The following ZNF563 variants were observed in gnomAD, a reference collection of about 807,000 sequenced individuals.
ZNF563 encodes the protein zinc finger protein 563.
Under a neutral mutation model 48.5 loss-of-function variants are expected in ZNF563, and 39 were observed. The ratio of observed to expected loss-of-function variants is 0.80; its 90% CI spans 0.62 to 1.05. ZNF563 has a LOEUF of 1.05. Among genes scored for constraint, ZNF563 ranks in the 50% least tolerant of loss-of-function variants. The probability of loss-of-function intolerance (pLI) is 0.00; values close to 1 mark genes in which losing one functional copy is unlikely to be tolerated. For missense variants in ZNF563, 538 were observed against 597.0 expected (o/e 0.90, Z 1.03); for synonymous variants, 168 against 187.9 (o/e 0.89, Z 0.87).
At chr19:12,327,103 C>T (rs1968812499) in intron 1 of ZNF563, among the ~76,000 whole-genome samples, 1 of 152,012 alleles carries the variant, frequency 6.6e-6, no homozygotes, top group Admixed American at 6.6e-5. Context: ...AAATTAAGAA[C>T]CAAGTACTAT....
intron 2 of ZNF563, among the ~76,000 whole-genome samples, chr19:12,321,739 C>T (rs573853037): frequency 6.6e-6 from 1 of 152,222 alleles, no homozygotes; most frequent in East Asian, 1.9e-4. Flanking sequence ...GCCACCATAC[C>T]CGGCCTTACA....
intron 2 of ZNF563, among the ~76,000 whole-genome samples, chr19:12,322,000 A>G (rs1293779488): frequency 6.6e-6 from 1 of 152,166 alleles, no homozygotes; most frequent in Non-Finnish European, 1.5e-5. Flanking sequence ...AGTATGTAAT[A>G]CATGACTTAC....
intron 1 of ZNF563, among the ~76,000 whole-genome samples, chr19:12,329,818 T>C (rs2145816960): frequency 6.6e-6 from 1 of 152,324 alleles, no homozygotes; most frequent in East Asian, 1.9e-4. Flanking sequence ...ATGATTTCAC[T>C]GGTGATTTAT....
chr19:12,328,258 G>A (rs1379460730), intron 1 of ZNF563, among the ~76,000 whole-genome samples: 2 of 152,168 alleles, frequency 1.3e-5, no homozygotes, highest in African/African-American at 4.8e-5. Context: ...AGGCCAAAGT[G>A]GAAGGATTGC....
chr19:12,323,604 G>C (rs1378357292), intron 1 of ZNF563, among the ~76,000 whole-genome samples: 1 of 152,182 alleles, frequency 6.6e-6, no homozygotes, highest in Non-Finnish European at 1.5e-5. Flanking sequence ...CTTAACCTTG[G>C]ACTTCCCAGC....
At chr19:12,325,439 C>T (rs1435063932) in intron 1 of ZNF563, among the ~76,000 whole-genome samples, 3 of 142,098 alleles carry the variant, frequency 2.1e-5, no homozygotes, top group African/African-American at 8.0e-5. Flanking sequence ...CACTGCACTC[C>T]AGCCTGGGCA....
the ZNF563 span, among the ~76,000 whole-genome samples, chr19:12,341,543 A>G: frequency 6.6e-6 from 1 of 152,220 alleles, no homozygotes; most frequent in Non-Finnish European, 1.5e-5. Context: ...TGCAAATAGT[A>G]ATCCAAATAG....
intron 1 of ZNF563, among the ~76,000 whole-genome samples, chr19:12,326,940 A>T (rs1034218722): frequency 3.9e-5 from 6 of 152,214 alleles, no homozygotes; most frequent in Non-Finnish European, 5.9e-5. Flanking sequence ...AATTGTGCAA[A>T]TGAATGACAG....
At chr19:12,336,019 T>C (rs1284664728), upstream of ZNF563, among the ~76,000 whole-genome samples, 42 of 152,218 alleles carry the variant, frequency 2.8e-4, no homozygotes, top group Admixed American at 2.7e-3. Context: ...AGTCTTCACT[T>C]GCTTCTCACC....
chr19:12,333,664 A>G (rs1193727416), upstream of ZNF563: 1 of 860,150 alleles, frequency 1.2e-6, no homozygotes, highest in East Asian at 3.1e-5. Context: ...GGGCGTGAAG[A>G]CGCCGCGGGC....
intron 3 of ZNF563, among the ~76,000 whole-genome samples, chr19:12,320,094 T>G (rs142662877): frequency 1.3e-5 from 2 of 152,106 alleles, no homozygotes; most frequent in African/African-American, 4.8e-5. Flanking sequence ...AATTTTGTAT[T>G]TCTAGTAGAG....
At chr19:12,334,910 C>T (rs1253428024), upstream of ZNF563, among the ~76,000 whole-genome samples, 5 of 144,998 alleles carry the variant, frequency 3.4e-5, no homozygotes, top group Non-Finnish European at 7.6e-5. Context: ...CTTTAAGGTA[C>T]TGACCTACAT....
At chr19:12,330,216 G>A (rs1034898739) in intron 1 of ZNF563, among the ~76,000 whole-genome samples, 4 of 151,998 alleles carry the variant, frequency 2.6e-5, no homozygotes, top group Non-Finnish European at 4.4e-5. Flanking sequence ...CACCACGCCC[G>A]GGGCAGAGGT....
intron 3 of ZNF563, 100 bp downstream of exon 3, chr19:12,321,172 A>T: frequency 1.2e-6 from 1 of 848,208 alleles, no homozygotes; most frequent in Non-Finnish European, 1.8e-6. Flanking sequence ...ATTAAAAAAT[A>T]AATTTAAGCT....
At chr19:12,340,906 G>A in the ZNF563 span, among the ~76,000 whole-genome samples, 1 of 151,758 alleles carries the variant, frequency 6.6e-6, no homozygotes, top group Non-Finnish European at 1.5e-5. Flanking sequence ...TGTGCTCTGT[G>A]AGAAATGTAG....
At chr19:12,324,395 G>C (rs1217239906) in intron 1 of ZNF563, among the ~76,000 whole-genome samples, 1 of 151,960 alleles carries the variant, frequency 6.6e-6, no homozygotes, top group African/African-American at 2.4e-5. Context: ...AAATCTAATA[G>C]AAGTCACAAA....
chr19:12,331,045 CAGAAA>C (rs1968905101), intron 1 of ZNF563, among the ~76,000 whole-genome samples: 1 of 152,042 alleles, frequency 6.6e-6, no homozygotes, highest in African/African-American at 2.4e-5. Flanking sequence ...TGTAGTACGA[CAGAAA>C]AGAAAAGTAA....
upstream of ZNF563, among the ~76,000 whole-genome samples, chr19:12,338,619 C>G (rs957113369): frequency 6.6e-6 from 1 of 151,856 alleles, no homozygotes; most frequent in Non-Finnish European, 1.5e-5. Context: ...TTTGGGAGGC[C>G]GAAGTGGGAG....
intron 1 of ZNF563, among the ~76,000 whole-genome samples, chr19:12,326,296 A>G (rs1226107237): frequency 6.6e-6 from 1 of 152,230 alleles, no homozygotes; most frequent in Non-Finnish European, 1.5e-5. Flanking sequence ...GCAAAGTACA[A>G]CAATCAAAAG....
Sources: allele counts gnomAD v4.1 joint callset (sites outside exome capture counted in the v4.1 genomes callset), GRCh38; gene constraint gnomAD v4.1.1; transcripts MANE v1.5; gene names NCBI Gene and HGNC (gene_info 2026-07-23, HGNC 2026-07-21).